The following DSCAM variants were observed in gnomAD, a reference collection of about 807,000 sequenced individuals.
DSCAM encodes DS cell adhesion molecule.
In DSCAM, 47 loss-of-function variants were observed where a neutral mutation model predicts 217.7. The ratio of observed to expected loss-of-function variants is 0.22; its 90% confidence interval spans 0.17 to 0.28. The LOEUF is 0.28. Among genes scored for constraint, DSCAM ranks in the 10% least tolerant of loss-of-function variants. The probability of loss-of-function intolerance (pLI) is 1.00; values close to 1 mark genes in which losing one functional copy is unlikely to be tolerated. For synonymous variants in DSCAM, 1,056 were observed against 1,015.3 expected, an observed-to-expected ratio of 1.04 and a Z score of -0.76; for missense variants, 2,080 against 2,618.3, an observed-to-expected ratio of 0.79 and a Z score of 4.49.
chr21:40,189,815 G>C (rs777372537), intron 11 of DSCAM, among the ~76,000 whole-genome samples: 5 of 152,182 alleles, frequency 3.3e-5, no homozygotes, highest in African/African-American at 4.8e-5. Flanking sequence ...CAGCCACATG[G>C]AACTGTAAGT....
At chr21:40,266,732 GTA>G (rs200579724) in intron 11 of DSCAM, among the ~76,000 whole-genome samples, 5,139 of 123,194 alleles carry the variant, frequency 0.042, 365 homozygotes, top group East Asian at 0.23. Context: ...TATCTTGTGT[GTA>G]TATATATATG....
In DSCAM at chr21:40,663,267, T is replaced by TGTG. The variant is rs1491586540; in HGVS notation, c.508+29542_508+29543insCAC. Among the ~76,000 whole-genome samples, 141 of 115,966 alleles carry TGTG rather than the reference T, an allele frequency of 1.2e-3. 1 individual carries two copies. Among genetic ancestry groups the TGTG allele is most frequent in the African/African-American group, 3.9e-3 (125 of 31,944 alleles). The allele number at this position is 115,966 out of a possible 152,430, so 76.1% of individuals were successfully genotyped here. ...GTGAGTGTATGTCAAAGTGTGTGTG[T>TGTG]GGGGGGGGTGTATATGTGTGTGTGT... On this transcript the variant is annotated intron_variant, in intron 3 of 32. Transcript: ENST00000400454.
intron 1 of DSCAM, among the ~76,000 whole-genome samples, chr21:40,764,284 G>A (rs934695786): frequency 1.3e-5 from 2 of 149,448 alleles, no homozygotes; most frequent in Admixed American, 6.7e-5. Context: ...AGTGGGTCAA[G>A]TATATTAGCA....
At chr21:40,745,409 A>G (rs2091165061) in intron 1 of DSCAM, among the ~76,000 whole-genome samples, 1 of 152,214 alleles carries the variant, frequency 6.6e-6, no homozygotes. Flanking sequence ...GCAGCAAGAG[A>G]AAGAAAACAT....
At chr21:40,481,069 A>T (rs2075978045) in intron 3 of DSCAM, among the ~76,000 whole-genome samples, 1 of 152,198 alleles carries the variant, frequency 6.6e-6, no homozygotes, top group Non-Finnish European at 1.5e-5. Flanking sequence ...TGGACTTCTC[A>T]GCCTCCAAAA....
chr21:40,714,392 G>A (rs1299320048), intron 1 of DSCAM, among the ~76,000 whole-genome samples: 3 of 152,136 alleles, frequency 2.0e-5, no homozygotes, highest in Non-Finnish European at 4.4e-5. Flanking sequence ...GCCCAACAAA[G>A]CCACCAAGGC....
rs79982821 is a variant in DSCAM, at chr21:40,099,587, G to A, written c.3697-5713C>T. Among the ~76,000 whole-genome samples the A allele has an allele frequency of 3.6e-4, 55 of 152,304 alleles. No homozygotes were observed. The East Asian group carries it at 8.9e-3, about 25-fold the overall frequency. Reference sequence around the variant, plus strand: ...TAACTGAACAATTTAAACCATCAGAGTTGATTTATTTTCTTTGGAATATAT... The same window carrying A: ...TAACTGAACAATTTAAACCATCAGAATTGATTTATTTTCTTTGGAATATAT... On this transcript the variant is annotated intron_variant, in intron 20 of 32. Coordinates refer to ENST00000400454, the MANE Select transcript of DSCAM (RefSeq NM_001389.5).
intron 32 of DSCAM, among the ~76,000 whole-genome samples, chr21:40,018,406 G>A (rs1385969375): frequency 1.3e-5 from 2 of 151,628 alleles, no homozygotes; most frequent in African/African-American, 4.8e-5. Context: ...GTATATTTGA[G>A]GAAATGGGAC....
At chr21:40,175,115 T>G (rs900356123) in intron 15 of DSCAM, among the ~76,000 whole-genome samples, 3 of 152,200 alleles carry the variant, frequency 2.0e-5, no homozygotes, top group African/African-American at 7.2e-5. Context: ...TATTTATTTC[T>G]GTTTCTTTTT....
chr21:40,355,319 A>G (rs2074680283), intron 4 of DSCAM, among the ~76,000 whole-genome samples: 1 of 152,176 alleles, frequency 6.6e-6, no homozygotes, highest in Non-Finnish European at 1.5e-5. Flanking sequence ...TAGCAAGACA[A>G]TGGATTAAAA....
At chr21:40,458,760 T>C (rs2075782971) in intron 3 of DSCAM, among the ~76,000 whole-genome samples, 1 of 152,098 alleles carries the variant, frequency 6.6e-6, no homozygotes, top group Non-Finnish European at 1.5e-5. Flanking sequence ...AGATAATTCA[T>C]ATTCCTTCCC....
chr21:40,604,871 T>G (rs2089211644), intron 3 of DSCAM, among the ~76,000 whole-genome samples: 1 of 152,202 alleles, frequency 6.6e-6, no homozygotes, highest in Non-Finnish European at 1.5e-5. Context: ...TATTTGTTTG[T>G]TTGTTTTTTA....
intron 3 of DSCAM, among the ~76,000 whole-genome samples, chr21:40,373,109 T>A (rs1025580959): frequency 6.6e-6 from 1 of 152,184 alleles, no homozygotes; most frequent in Non-Finnish European, 1.5e-5. Flanking sequence ...GTTCTGAAAC[T>A]CAGGCACAAC....
intron 9 of DSCAM, among the ~76,000 whole-genome samples, chr21:40,297,281 A>G (rs2073965633): frequency 6.6e-6 from 1 of 152,208 alleles, no homozygotes; most frequent in Non-Finnish European, 1.5e-5. Flanking sequence ...ATTTTTTGAG[A>G]TAAGCCATTA....
In DSCAM at chr21:40,595,347, C is replaced by T. The variant is rs368561225; in HGVS notation, c.508+97463G>A. Among the ~76,000 whole-genome samples, 24 of 150,500 alleles carry T rather than the reference C, an allele frequency of 1.6e-4. No homozygotes were observed. In the South Asian group the frequency reaches 3.6e-3, roughly 22 times the overall value. On this transcript the variant is annotated intron_variant, in intron 3 of 32. Coordinates refer to ENST00000400454, the MANE Select transcript of DSCAM (RefSeq NM_001389.5). The stretch of plus-strand genomic sequence containing the variant: ...GAGCCCTGATCACACCACTGCACTC[C>T]AGCCTGGGTGACAAAGTGAGATCCT...
intron 11 of DSCAM, among the ~76,000 whole-genome samples, chr21:40,239,558 G>A: frequency 6.6e-6 from 1 of 152,188 alleles, no homozygotes; most frequent in Non-Finnish European, 1.5e-5. Context: ...CCAGCATAAG[G>A]TGAATGAGAT....
chr21:40,410,771 AT>A (rs990557145), intron 3 of DSCAM, among the ~76,000 whole-genome samples: 26 of 151,742 alleles, frequency 1.7e-4, no homozygotes, highest in Admixed American at 1.7e-3. Context: ...AAAAAAAAAA[AT>A]TCAAAAAAGT....
intron 32 of DSCAM, among the ~76,000 whole-genome samples, chr21:40,023,636 T>G (rs1182215391): frequency 6.4e-5 from 7 of 109,188 alleles, no homozygotes; most frequent in Non-Finnish European, 9.3e-5. Flanking sequence ...TGAGCATTTT[T>G]TCATGTGTTT....
intron 11 of DSCAM, among the ~76,000 whole-genome samples, chr21:40,250,197 G>A (rs116496040): frequency 2.2e-3 from 328 of 152,216 alleles, no homozygotes; most frequent in African/African-American, 7.2e-3. Context: ...AGCCTCTGTC[G>A]CAAGCTTAAT....
Sources: gnomAD v4.1 joint callset for allele counts (sites outside exome capture counted in the v4.1 genomes callset) on GRCh38, gnomAD v4.1.1 for gene constraint, MANE v1.5 for transcripts, NCBI Gene and HGNC (gene_info 2026-07-23, HGNC 2026-07-21) for gene names.